The following MOXD1 variants were observed in gnomAD, a reference collection of about 807,000 sequenced individuals.
MOXD1 encodes monooxygenase DBH like 1, also known as DBH-like monooxygenase protein 1.
Under a neutral mutation model 66.6 loss-of-function variants are expected in MOXD1, and 62 were observed. That is an observed-to-expected ratio of 0.93 (90% CI 0.76 to 1.15). The LOEUF (loss-of-function observed/expected upper bound fraction) is 1.15. Among genes scored for constraint, MOXD1 ranks in the 50% most tolerant of loss-of-function variants. The pLI is 0.00. For synonymous variants in MOXD1, 303 were observed against 281.9 expected (o/e 1.07, Z -0.75); for missense variants, 847 against 754.6 (o/e 1.12, Z -1.44).
intron 4 of MOXD1, among the ~76,000 whole-genome samples, chr6:132,368,959 C>T (rs779208089): frequency 1.3e-5 from 2 of 152,004 alleles, no homozygotes; most frequent in Admixed American, 1.3e-4. Context: ...AATAATAAAG[C>T]AAAACAATTA....
intron 4 of MOXD1, among the ~76,000 whole-genome samples, chr6:132,329,508 T>C (rs992612440): frequency 6.6e-6 from 1 of 152,146 alleles, no homozygotes; most frequent in Non-Finnish European, 1.5e-5. Flanking sequence ...CAAACGCTCT[T>C]AGTCTCCCTC....
chr6:132,377,880 C>A (rs1421105036), intron 1 of MOXD1, among the ~76,000 whole-genome samples: 1 of 152,138 alleles, frequency 6.6e-6, no homozygotes, highest in East Asian at 1.9e-4. Flanking sequence ...GTAATCCCAG[C>A]AATTTAGGAG....
At chr6:132,397,640 A>AC (rs1562303270) in intron 1 of MOXD1, among the ~76,000 whole-genome samples, 1 of 29,840 alleles carries the variant, frequency 3.4e-5, no homozygotes, top group Admixed American at 3.8e-4. Flanking sequence ...GAGAGACAGA[A>AC]AGAAAGAAAG....
intron 4 of MOXD1, among the ~76,000 whole-genome samples, chr6:132,367,204 C>T (rs1176933736): frequency 6.6e-6 from 1 of 152,064 alleles, no homozygotes; most frequent in African/African-American, 2.4e-5. Flanking sequence ...TTCTTTGGAA[C>T]TCTGACTGCC....
intron 4 of MOXD1, among the ~76,000 whole-genome samples, chr6:132,368,148 C>T (rs762559546): frequency 1.3e-5 from 2 of 152,134 alleles, no homozygotes; most frequent in East Asian, 1.9e-4. Context: ...AATTCAATAA[C>T]CCCCATTTCT....
chr6:132,353,836 G>A (rs1236843537), intron 4 of MOXD1, among the ~76,000 whole-genome samples: 1 of 152,086 alleles, frequency 6.6e-6, no homozygotes, highest in Non-Finnish European at 1.5e-5. Flanking sequence ...CATAATTCCA[G>A]ACTTCTTGGA....
chr6:132,358,385 G>C (rs1183021081), intron 4 of MOXD1, among the ~76,000 whole-genome samples: 1 of 152,152 alleles, frequency 6.6e-6, no homozygotes, highest in Non-Finnish European at 1.5e-5. Flanking sequence ...CCCACTCTAT[G>C]TTTACCACAT....
rs1331124781 is a variant in MOXD1, at chr6:132,349,462, T to C, written c.664-20868A>G. Among the ~76,000 whole-genome samples, 2 of 33,326 alleles carry C rather than the reference T, an allele frequency of 6.0e-5. 1 individual carries two copies. The highest frequency in any genetic ancestry group is 2.4e-4 in the African/African-American group (2 of 8,212). The allele number at this position is 33,326 out of a possible 152,430, so 21.9% of individuals were successfully genotyped here. A position where few individuals can be genotyped will look rare whatever the true frequency, so the allele number is the denominator to read the frequency against. ...ATATATATATATATACATATATATA[T>C]ATACATATATATATATATACATATA... On this transcript the variant is annotated intron_variant, in intron 4 of 11. Transcript: ENST00000367963.
chr6:132,300,579 G>A (rs940474692), intron 10 of MOXD1, among the ~76,000 whole-genome samples: 3 of 152,140 alleles, frequency 2.0e-5, no homozygotes, highest in African/African-American at 4.8e-5. Context: ...CTGGTGCCCC[G>A]CTGTTAAGAG....
At chr6:132,388,684 A>G (rs1318776638) in intron 1 of MOXD1, among the ~76,000 whole-genome samples, 1 of 151,338 alleles carries the variant, frequency 6.6e-6, no homozygotes, top group East Asian at 1.9e-4. Flanking sequence ...ACGCTGGAGA[A>G]TTTTTCAGAA....
chr6:132,312,328 A>G (rs1277905530), intron 10 of MOXD1, among the ~76,000 whole-genome samples: 1 of 152,186 alleles, frequency 6.6e-6, no homozygotes, highest in African/African-American at 2.4e-5. Context: ...TTCATATGTT[A>G]TATGATATTC....
chr6:132,349,697 C>T (rs1173576835), intron 4 of MOXD1, among the ~76,000 whole-genome samples: 1 of 151,858 alleles, frequency 6.6e-6, no homozygotes, highest in Non-Finnish European at 1.5e-5. Context: ...GGAATCTCCA[C>T]ACTGTTTGCC....
chr6:132,381,970 A>G (rs1395301203), intron 1 of MOXD1, among the ~76,000 whole-genome samples: 1 of 152,110 alleles, frequency 6.6e-6, no homozygotes, highest in Admixed American at 6.5e-5. Context: ...ATGCAGCTCT[A>G]TTATGCACTC....
chr6:132,306,483 C>T (rs917581073), intron 10 of MOXD1, among the ~76,000 whole-genome samples: 3 of 152,024 alleles, frequency 2.0e-5, no homozygotes, highest in Non-Finnish European at 4.4e-5. Flanking sequence ...AAAAGACAGG[C>T]CAACATGCAA....
intron 1 of MOXD1, among the ~76,000 whole-genome samples, chr6:132,375,787 A>C (rs185633108): frequency 1.8e-3 from 269 of 152,320 alleles, no homozygotes; most frequent in African/African-American, 6.3e-3. Context: ...GAAGAAAATG[A>C]CTAGGATGTG....
chr6:132,358,271 T>C (rs1226339635), intron 4 of MOXD1, among the ~76,000 whole-genome samples: 1 of 152,160 alleles, frequency 6.6e-6, no homozygotes, highest in African/African-American at 2.4e-5. Context: ...ATGGTGTTCA[T>C]AATACACGTA....
intron 1 of MOXD1, among the ~76,000 whole-genome samples, chr6:132,395,036 G>A (rs1273459455): frequency 6.6e-6 from 1 of 152,074 alleles, no homozygotes; most frequent in Non-Finnish European, 1.5e-5. Context: ...GAAAGACACA[G>A]AGAAAACTCA....
intron 4 of MOXD1, among the ~76,000 whole-genome samples, chr6:132,336,973 A>T (rs1049774554): frequency 1.3e-5 from 2 of 152,196 alleles, no homozygotes; most frequent in Admixed American, 1.3e-4. Context: ...TGTGAGGTTC[A>T]GCAACCTCCA....
chr6:132,392,823 A>T (rs1257062428), intron 1 of MOXD1, among the ~76,000 whole-genome samples: 4 of 152,220 alleles, frequency 2.6e-5, no homozygotes, highest in African/African-American at 9.7e-5. Context: ...ACCTGTTAAT[A>T]TCCTCTTTGC....
Sources: gnomAD v4.1 joint callset for allele counts (sites outside exome capture counted in the v4.1 genomes callset) on GRCh38, gnomAD v4.1.1 for gene constraint, MANE v1.5 for transcripts, NCBI Gene and HGNC (gene_info 2026-07-23, HGNC 2026-07-21) for gene names.